Variants in SRD5A1 observed in about 807,000 individuals in gnomAD.
The protein encoded by SRD5A1 is 3-oxo-5-alpha-steroid 4-dehydrogenase 1.
In SRD5A1, 22 loss-of-function variants were observed where a neutral mutation model predicts 28.2. That is an observed-to-expected ratio of 0.78 (90% CI 0.56 to 1.12). The LOEUF is 1.12. Among genes scored for constraint, SRD5A1 ranks in the 50% most tolerant of loss-of-function variants. SRD5A1 has a pLI of 0.00. For missense variants in SRD5A1, 300 were observed against 346.7 expected (o/e 0.87, Z 1.07); for synonymous variants, 151 against 135.0 (o/e 1.12, Z -0.82).
rs1561007538 is a variant in SRD5A1, at chr5:6,668,303, C to T, written c.*35C>T. 1.6e-6 allele frequency: 2 copies of T among 1,261,872 alleles called. No individual in the cohort carries two copies. The highest frequency in any genetic ancestry group is 2.0e-5 in the Admixed American group (1 of 49,952). 78.2% of individuals were successfully genotyped at this position (1,261,872 alleles called of 1,614,324 possible). Reference sequence around the variant, plus strand: ...TCATGAAATTATCTTCAACTTGAAGCTTTCCAATGGCGCTTCTCTATGGAC... The same window carrying T: ...TCATGAAATTATCTTCAACTTGAAGTTTTCCAATGGCGCTTCTCTATGGAC... On this transcript the variant is annotated 3_prime_UTR_variant, in exon 5 of 5. Coordinates refer to ENST00000274192, the MANE Select transcript of SRD5A1 (RefSeq NM_001047.4).
intron 4 of SRD5A1, among the ~76,000 whole-genome samples, chr5:6,663,946 G>GA (rs1178714707): frequency 6.6e-6 from 1 of 152,148 alleles, no homozygotes; most frequent in Non-Finnish European, 1.5e-5. Context: ...AATGGATGAG[G>GA]AAACTGAGGT....
chr5:6,668,181 T>G, intron 4 of SRD5A1, 21 bp from the exon 5 acceptor site: 1 of 1,484,382 alleles, frequency 6.7e-7, no homozygotes, highest in Non-Finnish European at 9.2e-7. Flanking sequence ...ATTATTTCCT[T>G]TTTTAATTTT....
intron 4 of SRD5A1, among the ~76,000 whole-genome samples, chr5:6,667,113 G>T (rs185355239): frequency 1.3e-5 from 2 of 152,294 alleles, no homozygotes; most frequent in African/African-American, 2.4e-5. Flanking sequence ...ATGCACTTTC[G>T]CAGGTTTGAC....
At chr5:6,650,361 T>C (rs1159879035) in intron 1 of SRD5A1, among the ~76,000 whole-genome samples, 3 of 150,652 alleles carry the variant, frequency 2.0e-5, no homozygotes, top group African/African-American at 7.3e-5. Context: ...CAGTGAGCCA[T>C]GATTGCCCCA....
chr5:6,659,714 G>A (rs916142259), intron 3 of SRD5A1, among the ~76,000 whole-genome samples: 9 of 152,162 alleles, frequency 5.9e-5, no homozygotes, highest in South Asian at 2.1e-4. Context: ...GCAGCGTTCC[G>A]TGCCAGGGTC....
chr5:6,648,614 G>A (rs185252859), intron 1 of SRD5A1, among the ~76,000 whole-genome samples: 2 of 152,314 alleles, frequency 1.3e-5, no homozygotes, highest in East Asian at 3.9e-4. Context: ...GCTGCATCAT[G>A]TCTTCACCTG....
intron 1 of SRD5A1, among the ~76,000 whole-genome samples, chr5:6,635,547 G>A (rs1157983244): frequency 6.6e-6 from 1 of 152,206 alleles, no homozygotes; most frequent in Non-Finnish European, 1.5e-5. Flanking sequence ...TGGGCATGGT[G>A]ATGGAACCCC....
chr5:6,635,481 A>G (rs888941517), intron 1 of SRD5A1, among the ~76,000 whole-genome samples: 13 of 152,342 alleles, frequency 8.5e-5, no homozygotes, highest in Non-Finnish European at 1.3e-4. Context: ...CCCATCAGTC[A>G]TGACCCTGGA....
rs890628517 is a variant in SRD5A1, at chr5:6,673,027, G to A, written c.*4759G>A. On this transcript the variant is annotated 3_prime_UTR_variant, in exon 5 of 5. Coordinates refer to ENST00000274192, the MANE Select transcript of SRD5A1 (RefSeq NM_001047.4). Reference sequence around the variant, plus strand: ...AAAGCAGCAAAATCTGCTCTCAAAGGCTTCACGTAGCCGGGAAAACTCCGT... The same window carrying A: ...AAAGCAGCAAAATCTGCTCTCAAAGACTTCACGTAGCCGGGAAAACTCCGT... The A allele has an allele frequency of 6.6e-6, 1 of 152,152 alleles. No individual in the cohort carries two copies. Among genetic ancestry groups the A allele is most frequent in the Non-Finnish European group, 1.5e-5 (1 of 68,026 alleles). The allele number at this position is 152,152 out of a possible 1,614,324, so 9.4% of individuals were successfully genotyped here.
chr5:6,659,880 T>C (rs1308245077), intron 3 of SRD5A1, among the ~76,000 whole-genome samples: 1 of 152,194 alleles, frequency 6.6e-6, no homozygotes, highest in Non-Finnish European at 1.5e-5. Context: ...GTCGGCTTTG[T>C]GACCAGCTCC....
intron 1 of SRD5A1, among the ~76,000 whole-genome samples, chr5:6,635,300 T>C (rs189674792): frequency 2.2e-4 from 34 of 152,308 alleles, no homozygotes; most frequent in Admixed American, 1.9e-3. Context: ...CTGAAACTCT[T>C]TACCATTGCT....
At chr5:6,650,840 G>A (rs2126537416) in intron 1 of SRD5A1, among the ~76,000 whole-genome samples, 1 of 127,216 alleles carries the variant, frequency 7.9e-6, no homozygotes, top group African/African-American at 3.0e-5. Flanking sequence ...TCCCCTTCCT[G>A]TGTCCATGTG....
At chr5:6,666,888 T>C (rs1323198943) in intron 4 of SRD5A1, among the ~76,000 whole-genome samples, 1 of 152,204 alleles carries the variant, frequency 6.6e-6, no homozygotes, top group Non-Finnish European at 1.5e-5. Flanking sequence ...CAGGCTCTCC[T>C]GCTGTCATGT....
intron 1 of SRD5A1, chr5:6,644,715 A>G (rs1738457546): frequency 2.7e-6 from 1 of 369,156 alleles, no homozygotes; most frequent in African/African-American, 2.1e-5. Context: ...TCTGATCACA[A>G]GACAAGATTG....
chr5:6,638,745 A>G (rs1738274743), intron 1 of SRD5A1, among the ~76,000 whole-genome samples: 1 of 152,266 alleles, frequency 6.6e-6, no homozygotes, highest in Non-Finnish European at 1.5e-5. Context: ...AAATAATGAT[A>G]GCCAAGCACT....
Position 6,668,245 on chromosome 5 carries a change from A to G in SRD5A1, c.757A>G (p.Ile253Val). The part of the protein sequence containing the change: ...KFEEYPKFRK[I>V]IIPFLF ...TGAAGAGTATCCAAAGTTCAGAAAA[A>G]TTATAATTCCATTTTTGTTTTAAGT... The change falls in exon 5 of 5, where the codon ATT (isoleucine) becomes GTT (valine). Residue 253 changes from isoleucine to valine, a missense_variant. Physicochemically the swap from Ile to Val is conservative, Grantham distance 29. Transcript: ENST00000274192. 1 of 1,588,628 alleles carries G rather than the reference A, an allele frequency of 6.3e-7. No homozygotes were observed. The highest frequency in any genetic ancestry group is 2.3e-5 in the East Asian group (1 of 44,360).
chr5:6,656,267 C>T (rs1438490843), intron 3 of SRD5A1, 88 bp downstream of exon 3: 36 of 991,146 alleles, frequency 3.6e-5, no homozygotes, highest in Non-Finnish European at 4.5e-5. Context: ...GAAGTAGTAG[C>T]GTAGTAGTTA....
chr5:6,657,888 C>T (rs1477568725), intron 3 of SRD5A1, among the ~76,000 whole-genome samples: 1 of 152,202 alleles, frequency 6.6e-6, no homozygotes, highest in Non-Finnish European at 1.5e-5. Context: ...CATATTCAAA[C>T]CTGAACAACA....
chr5:6,668,126 A>ATATT (rs1255453973), intron 4 of SRD5A1, 76 bp from the exon 5 acceptor site: 10 of 958,046 alleles, frequency 1.0e-5, no homozygotes, highest in Non-Finnish European at 1.4e-5. Context: ...GTAATGAAAA[A>ATATT]TATTGTCACT....
Sources: allele counts gnomAD v4.1 joint callset (sites outside exome capture counted in the v4.1 genomes callset), GRCh38; gene constraint gnomAD v4.1.1; transcripts MANE v1.5; gene names NCBI Gene and HGNC (gene_info 2026-07-23, HGNC 2026-07-21).